The following GBF1 variants were observed in gnomAD, a reference collection of about 807,000 sequenced individuals.
The protein encoded by GBF1 is Golgi-specific brefeldin A-resistance guanine nucleotide exchange factor 1.
In GBF1, 114 loss-of-function variants were observed where a neutral mutation model predicts 210.5. The ratio of observed to expected loss-of-function variants is 0.54; its 90% CI spans 0.47 to 0.63. The LOEUF (loss-of-function observed/expected upper bound fraction) is 0.63, where lower values mean the gene tolerates loss of function less well. GBF1 is among the 30% of genes least tolerant of loss of function. GBF1 has a pLI of 0.00. For missense variants in GBF1, 1,851 were observed against 2,357.7 expected (o/e 0.79, Z 4.45); for synonymous variants, 850 against 889.2 (o/e 0.96, Z 0.78).
At chr10:102,376,120 G>A (rs1038009003) in intron 30 of GBF1, 152 bp from the exon 31 acceptor site, 4 of 632,504 alleles carry the variant, frequency 6.3e-6, no homozygotes, top group East Asian at 2.8e-5. Context: ...AAACTGTTCC[G>A]GCCATCCTTT....
intron 3 of GBF1, among the ~76,000 whole-genome samples, chr10:102,281,712 T>C (rs1244388163): frequency 2.0e-5 from 3 of 151,468 alleles, no homozygotes; most frequent in Non-Finnish European, 4.4e-5. Context: ...CTTACATTAA[T>C]ATGACACATT....
chr10:102,311,283 G>A (rs1449322009), intron 3 of GBF1, among the ~76,000 whole-genome samples: 1 of 152,180 alleles, frequency 6.6e-6, no homozygotes, highest in Non-Finnish European at 1.5e-5. Context: ...TTGTTCTGGG[G>A]CCACCACTGG....
intron 13 of GBF1, among the ~76,000 whole-genome samples, chr10:102,361,426 A>C (rs2059595169): frequency 6.6e-6 from 1 of 152,220 alleles, no homozygotes; most frequent in Non-Finnish European, 1.5e-5. Context: ...CAGCATTGTC[A>C]CTAAATTGCT....
intron 3 of GBF1, among the ~76,000 whole-genome samples, chr10:102,261,911 C>T (rs112283708): frequency 2.0e-3 from 300 of 152,088 alleles, no homozygotes; most frequent in African/African-American, 6.8e-3. Flanking sequence ...CGTGAGCCAC[C>T]GTGCTCAGCC....
At chr10:102,317,325 A>G (rs1365317642) in intron 3 of GBF1, among the ~76,000 whole-genome samples, 1 of 152,204 alleles carries the variant, frequency 6.6e-6, no homozygotes, top group Admixed American at 6.5e-5. Flanking sequence ...AAGATACAAA[A>G]AAGTTTAAAG....
rs1589740844 is a variant in GBF1, at chr10:102,351,273, A to C, written c.313A>C (p.Thr105Pro). The change falls in exon 5 of 40, where the codon ACA (threonine) becomes CCA (proline). Residue 105 changes from threonine (T) to proline (P), a missense_variant. This residue lies in a region of GBF1 where 804 missense variants were observed against 958.6 expected (regional missense o/e 0.84). Coordinates refer to ENST00000369983, the MANE Select transcript of GBF1 (RefSeq NM_001377137.1). ...TGGAGCAGATCCCACCCATGAGGGC[A>C]CAGCAGAGGGCATGGAGAACATGGC... is the stretch of plus-strand genomic sequence containing the variant. ...YALIDPTHEG[T>P]AEGMENMADA... The C allele has an allele frequency of 6.3e-7, 1 of 1,598,110 alleles. No individual in the cohort carries two copies. Among genetic ancestry groups the C allele is most frequent in the East Asian group, 2.2e-5 (1 of 44,820 alleles).
chr10:102,272,838 G>A (rs1440921526), intron 3 of GBF1, among the ~76,000 whole-genome samples: 1 of 152,094 alleles, frequency 6.6e-6, no homozygotes, highest in African/African-American at 2.4e-5. Flanking sequence ...TCCTCCTAGG[G>A]GCTTGTGAGT....
At chr10:102,367,019 G>T in intron 19 of GBF1, 66 bp from the exon 20 acceptor site, 1 of 1,583,844 alleles carries the variant, frequency 6.3e-7, no homozygotes, top group Non-Finnish European at 8.6e-7. Context: ...TGACCAGTGG[G>T]TTGGTAGTGA....
At chr10:102,304,498 G>T (rs1188394504) in intron 3 of GBF1, among the ~76,000 whole-genome samples, 4 of 152,102 alleles carry the variant, frequency 2.6e-5, no homozygotes, top group Non-Finnish European at 5.9e-5. Context: ...AAGGGGCCGG[G>T]CATGGTGGCT....
intron 3 of GBF1, among the ~76,000 whole-genome samples, chr10:102,293,804 G>T (rs1303881058): frequency 4.0e-5 from 2 of 50,194 alleles, no homozygotes; most frequent in African/African-American, 5.6e-5. Flanking sequence ...TTGAGATGGA[G>T]TCTCACTCTG....
intron 3 of GBF1, among the ~76,000 whole-genome samples, chr10:102,311,725 C>G (rs139749888): frequency 1.1e-3 from 172 of 152,320 alleles, no homozygotes; most frequent in African/African-American, 3.9e-3. Context: ...AAATGAACTG[C>G]CTTTGCTAGC....
chr10:102,300,753 G>T (rs1030022306), intron 3 of GBF1, among the ~76,000 whole-genome samples: 2 of 152,122 alleles, frequency 1.3e-5, no homozygotes, highest in South Asian at 2.1e-4. Flanking sequence ...GCAAAGCTCC[G>T]TCGTCATTCA....
Position 102,308,531 on chromosome 10 carries a change from A to G in GBF1, c.164-35520A>G, listed in dbSNP as rs561149558. Among the ~76,000 whole-genome samples the G allele has an allele frequency of 2.0e-5, 3 of 152,222 alleles. No homozygotes were observed. The East Asian group carries it at 5.8e-4, about 29-fold the overall frequency. ...AAAATGTGGCACATATACACCATGG[A>G]ATACTATGCAGCCATAAAAAATGAT... On this transcript the variant is annotated intron_variant, in intron 3 of 39. Transcript: ENST00000369983.
the GBF1 span, among the ~76,000 whole-genome samples, chr10:102,238,210 C>T: frequency 2.0e-5 from 3 of 152,134 alleles, no homozygotes; most frequent in Non-Finnish European, 2.9e-5. Flanking sequence ...CATGGACACC[C>T]TAGACACCCC....
chr10:102,232,409 G>A, the GBF1 span, among the ~76,000 whole-genome samples: 5 of 152,196 alleles, frequency 3.3e-5, no homozygotes, highest in African/African-American at 9.6e-5. Context: ...TAGGCCGGGC[G>A]CAGTGGCTCA....
chr10:102,363,422 A>T lies in GBF1; in HGVS notation c.2017+26A>T, dbSNP rs994583568. 1.9e-6 allele frequency: 3 copies of T among 1,600,280 alleles called. No homozygotes were observed. In the African/African-American group the frequency reaches 4.0e-5, roughly 21 times the overall value. On this transcript the variant is annotated intron_variant, in intron 16 of 39. Transcript: ENST00000369983. This position sits in a 1 kb window ranked among gnomAD's most constrained non-coding sequence, Gnocchi z 4.2. ...GTGGGTACTGGGTGTCCATGACCCT[A>T]AGCTCCTCACCTGGAGGGCCTGGTG... is the stretch of plus-strand genomic sequence containing the variant.
At chr10:102,274,935 C>T (rs2074803692) in intron 3 of GBF1, among the ~76,000 whole-genome samples, 1 of 151,696 alleles carries the variant, frequency 6.6e-6, no homozygotes, top group Non-Finnish European at 1.5e-5. Context: ...TGGTCTTGAA[C>T]TCCCAACCTC....
intron 3 of GBF1, among the ~76,000 whole-genome samples, chr10:102,337,837 A>T (rs1565126764): frequency 6.6e-6 from 1 of 152,152 alleles, no homozygotes; most frequent in Non-Finnish European, 1.5e-5. Context: ...AGCCTGGGTG[A>T]CAGAGCAAGA....
chr10:102,277,622 G>A (rs1007875419), intron 3 of GBF1, among the ~76,000 whole-genome samples: 3 of 151,990 alleles, frequency 2.0e-5, no homozygotes, highest in Non-Finnish European at 4.4e-5. Context: ...CAGGTGATCC[G>A]CCCACCTCGG....
Sources: allele counts gnomAD v4.1 joint callset (sites outside exome capture counted in the v4.1 genomes callset), GRCh38; gene constraint gnomAD v4.1.1; regional missense constraint gnomAD v4.1.1; non-coding constraint Gnocchi (gnomAD v3.1); transcripts MANE v1.5; gene names NCBI Gene and HGNC (gene_info 2026-07-23, HGNC 2026-07-21).